GUCA1C: variants seen among roughly 807,000 people sequenced by gnomAD.
The protein encoded by GUCA1C is guanylyl cyclase-activating protein 3.
Under a neutral mutation model 16.2 loss-of-function variants are expected in GUCA1C, and 15 were observed. The observed-to-expected ratio is 0.93, with a 90% confidence interval of 0.62 to 1.43. The LOEUF is 1.43. Among genes scored for constraint, GUCA1C ranks in the 40% most tolerant of loss-of-function variants. GUCA1C has a pLI of 0.00. For synonymous variants in GUCA1C, 78 were observed against 85.4 expected (o/e 0.91, Z 0.48); for missense variants, 275 against 244.8 (o/e 1.12, Z -0.82).
At chr3:108,949,662 C>T (rs78311764) in intron 1 of GUCA1C, among the ~76,000 whole-genome samples, 6 of 152,144 alleles carry the variant, frequency 3.9e-5, no homozygotes, top group Non-Finnish European at 7.3e-5. Context: ...ACCATTGTGA[C>T]GGTTGAATGT....
At position 108,947,843 on chromosome 3, in the gene GUCA1C, C is replaced by T. The variant is rs576174935; in HGVS notation, c.204+5716G>A. 2.0e-5 allele frequency among the ~76,000 whole-genome samples: 3 copies of T among 152,182 alleles called. No homozygotes were observed. In the East Asian group the frequency reaches 5.8e-4, roughly 29 times the overall value. ...TTTCATTTTAAATTTTGGTAGTTTTCCTTGTACTTTGCCTTGTTACTTTCA... is the reference window on the plus strand; with the variant it reads ...TTTCATTTTAAATTTTGGTAGTTTTTCTTGTACTTTGCCTTGTTACTTTCA... On this transcript the variant is annotated intron_variant, in intron 1 of 3. Coordinates refer to ENST00000261047, the MANE Select transcript of GUCA1C (RefSeq NM_005459.4).
chr3:108,922,315 CT>C (rs1454563510), intron 1 of GUCA1C, among the ~76,000 whole-genome samples: 1 of 152,134 alleles, frequency 6.6e-6, no homozygotes. Context: ...GTGCAAGTAT[CT>C]TTTTCATATA....
At chr3:108,929,216 C>T (rs1205941548) in intron 1 of GUCA1C, among the ~76,000 whole-genome samples, 2 of 152,100 alleles carry the variant, frequency 1.3e-5, no homozygotes, top group Non-Finnish European at 2.9e-5. Context: ...AATATGTTAA[C>T]TCCACTTATT....
At position 108,908,174 on chromosome 3, in the gene GUCA1C, C is replaced by T. The variant is rs1179932387; in HGVS notation, c.478G>A (p.Ala160Thr). 1 of 1,613,524 alleles carries T rather than the reference C, an allele frequency of 6.2e-7. No homozygotes were observed. The highest frequency in any genetic ancestry group is 8.5e-7 in the Non-Finnish European group (1 of 1,179,590). Residue 160 changes from alanine to threonine, a missense_variant, in exon 4 of 4, where the codon GCA (alanine) becomes ACA (threonine). By Grantham distance (58) the Ala-to-Thr change is moderately conservative. Transcript: ENST00000261047. The stretch of plus-strand genomic sequence containing the variant: ...ATCTCCAGGAGATCCTGATCTTTTG[C>T]CATGCCATTGATAAATTCTTCTAAA... The part of the protein sequence containing the change: ...LTLEEFINGM[A>T]KDQDLLEIVY...
chr3:108,938,488 A>G (rs958237366), intron 1 of GUCA1C, among the ~76,000 whole-genome samples: 3 of 152,236 alleles, frequency 2.0e-5, no homozygotes, highest in Admixed American at 6.5e-5. Flanking sequence ...TTTAATTTAC[A>G]TTTTAGGAAC....
At chr3:108,908,257 C>T (rs748873943) in intron 3 of GUCA1C, 48 bp from the exon 4 acceptor site, 2 of 1,211,868 alleles carry the variant, frequency 1.7e-6, no homozygotes, top group South Asian at 1.3e-5. Flanking sequence ...ATACCACTCA[C>T]TGGCACAAAT....
chr3:108,915,391 C>T (rs1015549205), intron 3 of GUCA1C, among the ~76,000 whole-genome samples: 1 of 152,178 alleles, frequency 6.6e-6, no homozygotes. Flanking sequence ...AAGGACCATT[C>T]CTAGATCTTC....
chr3:108,923,031 T>A (rs1327799679), intron 1 of GUCA1C, among the ~76,000 whole-genome samples: 1 of 152,166 alleles, frequency 6.6e-6, no homozygotes, highest in African/African-American at 2.4e-5. Flanking sequence ...GTTTGGTTTT[T>A]TCTTGTTAAT....
chr3:108,910,314 T>G (rs1203740409), intron 3 of GUCA1C, among the ~76,000 whole-genome samples: 1 of 151,818 alleles, frequency 6.6e-6, no homozygotes, highest in African/African-American at 2.4e-5. Context: ...CTGGCCAACA[T>G]AGTGGAACCC....
intron 1 of GUCA1C, among the ~76,000 whole-genome samples, chr3:108,941,877 AC>A (rs1448468457): frequency 6.6e-6 from 1 of 152,160 alleles, no homozygotes; most frequent in Non-Finnish European, 1.5e-5. Context: ...CTGTTTGGTT[AC>A]CCATATGGAG....
chr3:108,949,270 G>A (rs1946874036), intron 1 of GUCA1C, among the ~76,000 whole-genome samples: 1 of 152,176 alleles, frequency 6.6e-6, no homozygotes, highest in African/African-American at 2.4e-5. Flanking sequence ...AAATCCATGT[G>A]TGGAAGGAAA....
At chr3:108,938,968 T>C (rs931252362) in intron 1 of GUCA1C, among the ~76,000 whole-genome samples, 1 of 152,188 alleles carries the variant, frequency 6.6e-6, no homozygotes, top group Non-Finnish European at 1.5e-5. Context: ...CATGTGGGTT[T>C]GGGGAAGGCA....
At chr3:108,908,273 A>G in intron 3 of GUCA1C, 64 bp from the exon 4 acceptor site, 2 of 925,838 alleles carry the variant, frequency 2.2e-6, no homozygotes, top group South Asian at 1.6e-5. Context: ...CAAATGATAT[A>G]CTCACTGGTA....
Position 108,953,772 on chromosome 3 carries a change from C to T in GUCA1C, c.-10G>A, listed in dbSNP as rs1255629546. On this transcript the variant is annotated 5_prime_UTR_variant, in exon 1 of 4. It adds an upstream start codon to the 5' untranslated region. Transcript: ENST00000261047. ...ATTTGCCATTCCCCATCTTGACTCA[C>T]AGTCTACAGCTTTTCCTCAGGTTGT... 3.1e-6 allele frequency: 5 copies of T among 1,598,084 alleles called. No individual in the cohort carries two copies. Among genetic ancestry groups the T allele is most frequent in the Middle Eastern group, 1.7e-4 (1 of 6,052 alleles).
In GUCA1C at chr3:108,930,887, T is replaced by C. The variant is rs151196337; in HGVS notation, c.205-10302A>G. On this transcript the variant is annotated intron_variant, in intron 1 of 3. Transcript: ENST00000261047. ...AATATGTTATTATAGGGTTGAAATTTATTTAAGATGACAACGAGGTATCAT... is the reference window on the plus strand; with the variant it reads ...AATATGTTATTATAGGGTTGAAATTCATTTAAGATGACAACGAGGTATCAT... Among the ~76,000 whole-genome samples the C allele has an allele frequency of 1.6e-3, 251 of 152,362 alleles. 1 individual carries two copies. The highest frequency in any genetic ancestry group is 5.3e-3 in the African/African-American group (219 of 41,588).
chr3:108,927,429 A>C (rs1448304012), intron 1 of GUCA1C, among the ~76,000 whole-genome samples: 14 of 127,696 alleles, frequency 1.1e-4, no homozygotes, highest in Non-Finnish European at 2.3e-4. Context: ...ATTTTTTTTA[A>C]TTCTTTTTTT....
intron 3 of GUCA1C, among the ~76,000 whole-genome samples, chr3:108,914,267 C>G (rs1319890958): frequency 5.9e-5 from 9 of 152,134 alleles, no homozygotes; most frequent in African/African-American, 1.2e-4. Flanking sequence ...GAATTCACGT[C>G]TCTTTTAACC....
At chr3:108,951,517 C>T (rs762175548) in intron 1 of GUCA1C, among the ~76,000 whole-genome samples, 6 of 152,092 alleles carry the variant, frequency 3.9e-5, no homozygotes, top group Admixed American at 6.5e-5. Context: ...AATAGTAAAT[C>T]TTTGGGGATT....
At position 108,924,378 on chromosome 3, in the gene GUCA1C, T is replaced by G. The variant is rs540474760; in HGVS notation, c.205-3793A>C. On this transcript the variant is annotated intron_variant, in intron 1 of 3. Coordinates refer to ENST00000261047, the MANE Select transcript of GUCA1C (RefSeq NM_005459.4). Reference sequence around the variant, plus strand: ...GGGATGCTAGATTTTGTCAAATGCTTTTTCTGTGTCTATTGACATGATCAT... The same window carrying G: ...GGGATGCTAGATTTTGTCAAATGCTGTTTCTGTGTCTATTGACATGATCAT... Among the ~76,000 whole-genome samples, 7 of 152,306 alleles carry G rather than the reference T, an allele frequency of 4.6e-5. 1 individual carries two copies. Among genetic ancestry groups the G allele is most frequent in the Admixed American group, 4.6e-4 (7 of 15,296 alleles).
Sources: gnomAD v4.1 joint callset for allele counts (sites outside exome capture counted in the v4.1 genomes callset) on GRCh38, gnomAD v4.1.1 for gene constraint, MANE v1.5 for transcripts, NCBI Gene and HGNC (gene_info 2026-07-23, HGNC 2026-07-21) for gene names.